The following LATS1 variants were observed in gnomAD, a reference collection of about 807,000 sequenced individuals.
LATS1 encodes large tumor suppressor kinase 1, also known as serine/threonine-protein kinase LATS1.
Under a neutral mutation model 106.6 loss-of-function variants are expected in LATS1, and 25 were observed. The ratio of observed to expected loss-of-function variants is 0.23; its 90% CI spans 0.17 to 0.33. The LOEUF is 0.33. Among genes scored for constraint, LATS1 ranks in the 10% least tolerant of loss-of-function variants. LATS1 has a pLI of 1.00. For missense variants in LATS1, 1,040 were observed against 1,382.6 expected (o/e 0.75, Z 3.93); for synonymous variants, 465 against 455.6 (o/e 1.02, Z -0.26).
chr6:149,693,403 A>T (rs1236943002), intron 3 of LATS1, among the ~76,000 whole-genome samples: 1 of 151,912 alleles, frequency 6.6e-6, no homozygotes, highest in African/African-American at 2.4e-5. Flanking sequence ...CGAGGTCAGG[A>T]GTTCAAGACC....
At chr6:149,691,523 A>G (rs1782747750) in intron 3 of LATS1, among the ~76,000 whole-genome samples, 1 of 152,122 alleles carries the variant, frequency 6.6e-6, no homozygotes. Flanking sequence ...TCTTAGCAGT[A>G]TTTGGCATTT....
intron 2 of LATS1, among the ~76,000 whole-genome samples, chr6:149,701,525 C>T (rs570157469): frequency 1.3e-5 from 2 of 152,326 alleles, no homozygotes; most frequent in East Asian, 1.9e-4. Flanking sequence ...TCCATTATGA[C>T]TTCATGATCT....
At chr6:149,689,901 T>C (rs967744683) in intron 3 of LATS1, among the ~76,000 whole-genome samples, 1 of 152,124 alleles carries the variant, frequency 6.6e-6, no homozygotes, top group Non-Finnish European at 1.5e-5. Flanking sequence ...CAAGTATCTC[T>C]TGAATATTTA....
At chr6:149,704,887 TACAC>T (rs57029776) in intron 1 of LATS1, among the ~76,000 whole-genome samples, 11,414 of 139,684 alleles carry the variant, frequency 0.082, 472 homozygotes, top group Non-Finnish European at 0.091. Context: ...AAATTAATTA[TACAC>T]ACACACACAC....
At chr6:149,698,180 G>A (rs1783207622) in intron 2 of LATS1, among the ~76,000 whole-genome samples, 1 of 151,738 alleles carries the variant, frequency 6.6e-6, no homozygotes, top group Admixed American at 6.6e-5. Context: ...TTCATTAAGT[G>A]GAGGTGTTAG....
At chr6:149,673,674 T>C (rs1781559862) in intron 7 of LATS1, among the ~76,000 whole-genome samples, 1 of 151,356 alleles carries the variant, frequency 6.6e-6, no homozygotes, top group Non-Finnish European at 1.5e-5. Flanking sequence ...ATTTCTTTTT[T>C]TTCCTTTTTT....
intron 7 of LATS1, among the ~76,000 whole-genome samples, chr6:149,672,056 T>A (rs1160839649): frequency 1.3e-5 from 2 of 150,620 alleles, no homozygotes; most frequent in African/African-American, 2.5e-5. Context: ...ACCCAGCTAA[T>A]TTTTTTTTGT....
rs1336179179 is a variant in LATS1, at chr6:149,670,125, T to C, written c.2883+6135A>G. ...AGGTGGAGGTTGCAGTGAGATGAGG[T>C]TGTACCACTACACGCCAGCCTGGGC... On this transcript the variant is annotated intron_variant, in intron 7 of 7. Transcript: ENST00000543571. 2.9e-5 allele frequency among the ~76,000 whole-genome samples: 4 copies of C among 138,646 alleles called. No homozygotes were observed. The East Asian group carries it at 6.3e-4, about 22-fold the overall frequency. 91.0% of individuals were successfully genotyped at this position (138,646 alleles called of 152,430 possible). A position where few individuals can be genotyped will look rare whatever the true frequency, so the allele number is the denominator to read the frequency against.
intron 7 of LATS1, among the ~76,000 whole-genome samples, chr6:149,673,096 CTTTTTTTTTT>C: frequency 8.4e-6 from 1 of 119,098 alleles, no homozygotes; most frequent in Non-Finnish European, 1.7e-5. Context: ...CTTTTCTTTT[CTTTTTTTTTT>C]TTTTTTTTGA....
intron 1 of LATS1, among the ~76,000 whole-genome samples, chr6:149,715,129 T>A (rs138627157): frequency 6.6e-6 from 1 of 152,260 alleles, no homozygotes; most frequent in East Asian, 1.9e-4. Flanking sequence ...AGTGCCGTGG[T>A]GCCATCTCAG....
chr6:149,673,096 C>CTTTTTTTTTTTTT (rs199602290), intron 7 of LATS1, among the ~76,000 whole-genome samples: 1 of 119,114 alleles, frequency 8.4e-6, no homozygotes, highest in Non-Finnish European at 1.7e-5. Flanking sequence ...CTTTTCTTTT[C>CTTTTTTTTTTTTT]TTTTTTTTTT....
chr6:149,712,305 C>T (rs1047254371), intron 1 of LATS1, among the ~76,000 whole-genome samples: 4 of 152,248 alleles, frequency 2.6e-5, no homozygotes, highest in Middle Eastern at 3.4e-3. Flanking sequence ...TCAAGCAATT[C>T]TCCTGCCTCA....
At position 149,712,563 on chromosome 6, in the gene LATS1, C is replaced by T. The variant is rs899531392; in HGVS notation, c.-141+5286G>A. Among the ~76,000 whole-genome samples the T allele has an allele frequency of 5.9e-5, 9 of 151,896 alleles. No individual in the cohort carries two copies. In the East Asian group the frequency reaches 1.4e-3, roughly 23 times the overall value. On this transcript the variant is annotated intron_variant, in intron 1 of 7. Coordinates refer to ENST00000543571, the MANE Select transcript of LATS1 (RefSeq NM_004690.4). ...TGAGGGTCTCGCTATGTTGACGAGG[C>T]TGGTCTCAAACTCCTGGCCTCAAGC...
intron 2 of LATS1, chr6:149,696,979 T>C (rs551501905): frequency 1.5e-5 from 7 of 465,252 alleles, no homozygotes; most frequent in African/African-American, 1.2e-4. Context: ...AGCTAAAATG[T>C]TGGCTGCTCT....
chr6:149,696,236 T>C (rs533341623), intron 2 of LATS1, among the ~76,000 whole-genome samples: 1 of 149,468 alleles, frequency 6.7e-6, no homozygotes, highest in African/African-American at 2.5e-5. Context: ...AATCAGAGAC[T>C]ATCAGATTGT....
intron 7 of LATS1, among the ~76,000 whole-genome samples, chr6:149,671,850 A>G (rs1781458487): frequency 6.6e-6 from 1 of 151,894 alleles, no homozygotes; most frequent in Non-Finnish European, 1.5e-5. Flanking sequence ...CTTCCAATCA[A>G]TGAACATGGT....
intron 7 of LATS1, among the ~76,000 whole-genome samples, chr6:149,665,984 A>T (rs1781121623): frequency 6.6e-6 from 1 of 151,830 alleles, no homozygotes; most frequent in Non-Finnish European, 1.5e-5. Flanking sequence ...TCTACTAAAA[A>T]TACAAAAATT....
Position 149,684,291 on chromosome 6 carries a change from A to C in LATS1, c.798T>G (p.Pro266=), listed in dbSNP as rs1782234407. ...TTGTTTGAGAGTTTGGTTCCCATGA[A>C]GGGGGAGGTGGAGTTGTACCTCTTG... ...PPPRGTTPPP[P]SWEPNSQTKR... The change falls in exon 4 of 8, where the codon CCT becomes CCG. Residue 266 remains proline, a synonymous_variant. Transcript: ENST00000543571. The C allele has an allele frequency of 1.9e-6, 3 of 1,613,672 alleles. No individual in the cohort carries two copies. The highest frequency in any genetic ancestry group is 2.5e-6 in the Non-Finnish European group (3 of 1,179,920).
rs1395978938 is a variant in LATS1, at chr6:149,683,630, T to G, written c.1459A>C (p.Thr487Pro). 6 of 1,614,052 alleles carry G rather than the reference T, an allele frequency of 3.7e-6. No homozygotes were observed. The highest frequency in any genetic ancestry group is 4.2e-6 in the Non-Finnish European group (5 of 1,180,034). Residue 487 changes from threonine (T) to proline (P), a missense_variant, in exon 4 of 8, where the codon ACT becomes CCT. By Grantham distance (38) the Thr-to-Pro change is conservative. Coordinates refer to ENST00000543571, the MANE Select transcript of LATS1 (RefSeq NM_004690.4). ...TGAATAGGAGCTGGTGTAATTGCAG[T>G]GACTGTTGTAGCAGAAGGCTGAGAA... Reference protein sequence around the residue: ...ANSQPSATTVTAITPAPIQQP... With the variant: ...ANSQPSATTVPAITPAPIQQP...
Sources: gnomAD v4.1 joint callset for allele counts (sites outside exome capture counted in the v4.1 genomes callset) on GRCh38, gnomAD v4.1.1 for gene constraint, MANE v1.5 for transcripts, NCBI Gene and HGNC (gene_info 2026-07-23, HGNC 2026-07-21) for gene names.